The following SLC43A2 variants were observed in gnomAD, a reference collection of about 807,000 sequenced individuals.
SLC43A2 encodes the protein solute carrier family 43 member 2.
A neutral mutation model predicts 63.2 loss-of-function variants in SLC43A2; 38 were observed. The observed-to-expected ratio is 0.60, with a 90% CI of 0.46 to 0.79. The LOEUF (loss-of-function observed/expected upper bound fraction) is 0.79. Ranked by LOEUF, SLC43A2 falls within the 30% of genes least tolerant of loss-of-function variation. SLC43A2 has a pLI of 0.00. For synonymous variants in SLC43A2, 322 were observed against 331.0 expected, an observed-to-expected ratio of 0.97 and a Z score of 0.30; for missense variants, 644 against 756.2, an observed-to-expected ratio of 0.85 and a Z score of 1.74.
rs2075874425 is a variant in SLC43A2, at chr17:1,573,319, G to C, written c.*2285C>G. ...GAGTCACCGGTCAGCGGCAAGACCT[G>C]GAGTCTCCATTTGGAACCAGCACCC... On this transcript the variant is annotated 3_prime_UTR_variant, in exon 14 of 14. Transcript: ENST00000301335. The C allele has an allele frequency of 1.3e-5, 2 of 152,240 alleles. No homozygotes were observed. The highest frequency in any genetic ancestry group is 2.9e-5 in the Non-Finnish European group (2 of 68,090). The allele number at this position is 152,240 out of a possible 1,614,324, so 9.4% of individuals were successfully genotyped here.
intron 9 of SLC43A2, among the ~76,000 whole-genome samples, chr17:1,587,448 T>C (rs1235054742): frequency 2.6e-5 from 4 of 152,184 alleles, no homozygotes; most frequent in Admixed American, 6.5e-5. Context: ...ACCATGGGTC[T>C]CCTCCAGATG....
chr17:1,585,687 C>T (rs1457223016), intron 10 of SLC43A2: 1 of 1,474,748 alleles, frequency 6.8e-7, no homozygotes, highest in Admixed American at 2.0e-5. Flanking sequence ...CGCACCTGGC[C>T]TCAAACTTTA....
rs1383220601 is a variant in SLC43A2, at chr17:1,593,223, G to A, written c.558C>T (p.Ser186=). 33 of 1,614,080 alleles carry A rather than the reference G, an allele frequency of 2.0e-5. No individual in the cohort carries two copies. Among genetic ancestry groups the A allele is most frequent in the Non-Finnish European group, 2.7e-5 (32 of 1,180,000 alleles). Residue 186 remains serine (S), a synonymous_variant, in exon 6 of 14, where the codon TCC becomes TCT. Coordinates refer to ENST00000301335, the MANE Select transcript of SLC43A2 (RefSeq NM_152346.3). This position sits in a 1 kb window ranked among gnomAD's most constrained non-coding sequence, Gnocchi z 5.3. ...GAAAGGTGACTGCCGAGGAGGCGTA[G>A]GACCCAATCATCAAGGCAATAAACG... ...RSTFIALMIG[S]YASSAVTFPG...
intron 5 of SLC43A2, among the ~76,000 whole-genome samples, chr17:1,608,315 C>T (rs1598478937): frequency 6.6e-6 from 1 of 152,142 alleles, no homozygotes; most frequent in African/African-American, 2.4e-5. Flanking sequence ...TGCCTGGTCA[C>T]TCTCTAGCCT....
Position 1,572,390 on chromosome 17 carries a change from GA to G in SLC43A2, c.*3213del, listed in dbSNP as rs1219183414. 6.6e-6 allele frequency: 1 copy of G among 152,166 alleles called. No individual in the cohort carries two copies. Among genetic ancestry groups the G allele is most frequent in the Admixed American group, 6.6e-5 (1 of 15,244 alleles). The allele number at this position is 152,166 out of a possible 1,614,324, so 9.4% of individuals were successfully genotyped here. A position where few individuals can be genotyped will look rare whatever the true frequency, so the allele number is the denominator to read the frequency against. On this transcript the variant is annotated 3_prime_UTR_variant, in exon 14 of 14. Transcript: ENST00000301335. Reference sequence around the variant, plus strand: ...GCCCTTGGCTGCTCCAGTGTCTTAAGACCCATATATGAGTGCTGGCTCTGAC... The same window carrying G: ...GCCCTTGGCTGCTCCAGTGTCTTAAGCCCATATATGAGTGCTGGCTCTGAC...
chr17:1,604,523 C>T (rs1906397500), intron 5 of SLC43A2: 3 of 589,088 alleles, frequency 5.1e-6, no homozygotes, highest in African/African-American at 3.7e-5. Flanking sequence ...GGGTCCCTCA[C>T]CCCCCGGAGG....
rs1003155876 is a variant in SLC43A2 at position 1,578,961 on chromosome 17, G to A, written c.1351-638C>T. 6.6e-6 allele frequency among the ~76,000 whole-genome samples: 1 copy of A among 151,940 alleles called. No individual in the cohort carries two copies. Among genetic ancestry groups the A allele is most frequent in the African/African-American group, 2.4e-5 (1 of 41,392 alleles). On this transcript the variant is annotated intron_variant, in intron 11 of 13. Transcript: ENST00000301335. This position sits in a 1 kb window ranked among gnomAD's most constrained non-coding sequence, Gnocchi z 6.5. ...TCGAAACCAGCCTGGCCAACATGGC[G>A]AAACCCTGTCTTTACTAAAAATACA...
chr17:1,602,753 T>C (rs1404784864), intron 5 of SLC43A2, among the ~76,000 whole-genome samples: 2 of 151,672 alleles, frequency 1.3e-5, no homozygotes, highest in East Asian at 3.9e-4. Flanking sequence ...TGTTTTGTTT[T>C]TTCAGTTTTT....
chr17:1,579,182 C>T (rs901167678), intron 11 of SLC43A2, among the ~76,000 whole-genome samples: 1 of 148,460 alleles, frequency 6.7e-6, no homozygotes, highest in Non-Finnish European at 1.5e-5. Flanking sequence ...AATTATAAGC[C>T]GAGAATGGTG....
intron 5 of SLC43A2, among the ~76,000 whole-genome samples, chr17:1,607,463 C>T (rs975059516): frequency 6.6e-6 from 1 of 152,168 alleles, no homozygotes; most frequent in Non-Finnish European, 1.5e-5. Context: ...CTTTTGGGGT[C>T]TGTTCTCAAG....
chr17:1,609,237 C>T (rs1041093392), intron 5 of SLC43A2, among the ~76,000 whole-genome samples: 1 of 152,028 alleles, frequency 6.6e-6, no homozygotes, highest in African/African-American at 2.4e-5. Flanking sequence ...GAATTTCACT[C>T]GTCGCCCAGG....
rs755142370 is a variant in SLC43A2, at chr17:1,578,106, C to T, written c.1424+144G>A. ...TTTCCCTGAAACACCCAGCAGAAAC[C>T]CTGGTACCTGTCCCCTGAAGCAGGA... On this transcript the variant is annotated intron_variant, in intron 12 of 13. Coordinates refer to ENST00000301335, the MANE Select transcript of SLC43A2 (RefSeq NM_152346.3). This position sits in a 1 kb window ranked among gnomAD's most constrained non-coding sequence, Gnocchi z 6.5. The T allele has an allele frequency of 1.2e-5, 9 of 768,170 alleles. No homozygotes were observed. Among genetic ancestry groups the T allele is most frequent in the Non-Finnish European group, 1.9e-5 (9 of 478,548 alleles). 47.6% of individuals were successfully genotyped at this position (768,170 alleles called of 1,614,324 possible).
At chr17:1,627,692 G>A (rs1226117312) in intron 2 of SLC43A2, 23 bp downstream of exon 2, 5 of 250,258 alleles carry the variant, frequency 2.0e-5, no homozygotes, top group South Asian at 1.7e-4. Context: ...GGAGCCCCCC[G>A]CAACCCCAGG....
intron 12 of SLC43A2, 137 bp from the exon 13 acceptor site, chr17:1,576,857 A>C: frequency 1.1e-6 from 1 of 922,450 alleles, no homozygotes; most frequent in Non-Finnish European, 1.5e-6. Flanking sequence ...CCTGCTGGGC[A>C]GTTCTGTTTT....
intron 5 of SLC43A2, among the ~76,000 whole-genome samples, chr17:1,601,063 G>C (rs1905963297): frequency 1.4e-5 from 1 of 70,876 alleles, no homozygotes; most frequent in African/African-American, 5.5e-5. Flanking sequence ...TCCCAGTTTG[G>C]TGGTGTTTGT....
Position 1,578,211 on chromosome 17 carries a change from C to A in SLC43A2, c.1424+39G>T, listed in dbSNP as rs1352042478. ...CAACCTCCCCCCGGCCATTCCCACACCCTCGCCCACCAGGCCACCTGCGGC... is the reference window on the plus strand; with the variant it reads ...CAACCTCCCCCCGGCCATTCCCACAACCTCGCCCACCAGGCCACCTGCGGC... On this transcript the variant is annotated intron_variant, in intron 12 of 13. Coordinates refer to ENST00000301335, the MANE Select transcript of SLC43A2 (RefSeq NM_152346.3). This position sits in a 1 kb window ranked among gnomAD's most constrained non-coding sequence, Gnocchi z 6.5. The A allele has an allele frequency of 1.9e-6, 3 of 1,603,654 alleles. No homozygotes were observed. In the South Asian group the frequency reaches 3.3e-5, roughly 18 times the overall value.
chr17:1,629,701 C>G (rs889509866), upstream of SLC43A2, among the ~76,000 whole-genome samples: 1 of 152,244 alleles, frequency 6.6e-6, no homozygotes, highest in African/African-American at 2.4e-5. Flanking sequence ...GCCACCTTCA[C>G]CCCGTTCCCC....
At chr17:1,599,594 G>A (rs982781594) in intron 5 of SLC43A2, among the ~76,000 whole-genome samples, 8 of 151,432 alleles carry the variant, frequency 5.3e-5, no homozygotes, top group Admixed American at 1.3e-4. Context: ...CCAGCTACTT[G>A]GGAGGCTGAA....
At chr17:1,608,076 C>G (rs1376539664) in intron 5 of SLC43A2, among the ~76,000 whole-genome samples, 2 of 152,290 alleles carry the variant, frequency 1.3e-5, no homozygotes, top group East Asian at 3.9e-4. Flanking sequence ...TGCGTTGACT[C>G]TGATGAGATA....
Sources: allele counts gnomAD v4.1 joint callset (sites outside exome capture counted in the v4.1 genomes callset), GRCh38; gene constraint gnomAD v4.1.1; non-coding constraint Gnocchi (gnomAD v3.1); transcripts MANE v1.5; gene names NCBI Gene and HGNC (gene_info 2026-07-23, HGNC 2026-07-21).